SOCS5: variants seen among roughly 807,000 people sequenced by gnomAD.
SOCS5 encodes CIS-6.
A neutral mutation model predicts 42.8 loss-of-function variants in SOCS5; 32 were observed. The observed-to-expected ratio is 0.75, with a 90% CI of 0.56 to 1.01. The LOEUF (loss-of-function observed/expected upper bound fraction) is 1.01, where lower values mean the gene tolerates loss of function less well. Ranked by LOEUF, SOCS5 falls within the 50% of genes least tolerant of loss-of-function variation. The probability of loss-of-function intolerance (pLI) is 0.00; values close to 1 mark genes in which losing one functional copy is unlikely to be tolerated. For synonymous variants in SOCS5, 283 were observed against 229.6 expected (o/e 1.23, Z -2.10); for missense variants, 627 against 653.0 (o/e 0.96, Z 0.43).
chr2:46,709,753 A>G (rs1246218458), intron 1 of SOCS5, among the ~76,000 whole-genome samples: 2 of 152,214 alleles, frequency 1.3e-5, no homozygotes, highest in Non-Finnish European at 2.9e-5. Flanking sequence ...AGAAAATTGA[A>G]CATGAACAGA....
chr2:46,758,772 A>G lies in SOCS5; in HGVS notation c.242A>G (p.Asn81Ser), dbSNP rs747462309. The G allele has an allele frequency of 6.2e-7, 1 of 1,614,232 alleles. No homozygotes were observed. Among genetic ancestry groups the G allele is most frequent in the South Asian group, 1.1e-5 (1 of 91,084 alleles). The stretch of plus-strand genomic sequence containing the variant: ...AAGAATTCTTCAAGGAGAAATCAAA[A>G]TTGTGCCACAGAAATCCCTCAAATT... ...PSKNSSRRNQNCATEIPQIVE... is the reference protein window; with the variant it reads ...PSKNSSRRNQSCATEIPQIVE... The change falls in exon 2 of 2, where the codon AAT becomes AGT. Residue 81 changes from asparagine (N) to serine (S), a missense_variant. Asn to Ser is a conservative substitution (Grantham distance 46). Transcript: ENST00000394861.
At chr2:46,717,368 G>A (rs544114255) in intron 1 of SOCS5, among the ~76,000 whole-genome samples, 18 of 152,098 alleles carry the variant, frequency 1.2e-4, no homozygotes, top group East Asian at 9.7e-4. Context: ...CTCTTATCTC[G>A]TGTGAAAACT....
intron 1 of SOCS5, among the ~76,000 whole-genome samples, chr2:46,701,364 G>T (rs887107147): frequency 6.6e-6 from 1 of 152,180 alleles, no homozygotes; most frequent in Non-Finnish European, 1.5e-5. Context: ...AAAGATGTAT[G>T]TGTATGAGTC....
chr2:46,731,090 A>C (rs922320437), intron 1 of SOCS5, among the ~76,000 whole-genome samples: 2 of 152,140 alleles, frequency 1.3e-5, no homozygotes, highest in African/African-American at 4.8e-5. Flanking sequence ...GATACTCTTC[A>C]AGGAGTATCA....
intron 1 of SOCS5, among the ~76,000 whole-genome samples, chr2:46,729,536 C>T (rs1229406218): frequency 6.6e-6 from 1 of 152,144 alleles, no homozygotes; most frequent in Admixed American, 6.5e-5. Flanking sequence ...ACAGTTGTAT[C>T]ACAATGGTAA....
chr2:46,706,801 C>G (rs575743885), intron 1 of SOCS5, among the ~76,000 whole-genome samples: 1 of 151,970 alleles, frequency 6.6e-6, no homozygotes, highest in Non-Finnish European at 1.5e-5. Flanking sequence ...AGAGATCAGC[C>G]GGTGAAGAGG....
chr2:46,719,559 A>G (rs1399203871), intron 1 of SOCS5, among the ~76,000 whole-genome samples: 1 of 152,138 alleles, frequency 6.6e-6, no homozygotes, highest in East Asian at 1.9e-4. Context: ...TCCTTATGTT[A>G]AAGAAAGAAT....
chr2:46,755,480 T>A (rs1406836865), intron 1 of SOCS5, among the ~76,000 whole-genome samples: 1 of 152,208 alleles, frequency 6.6e-6, no homozygotes, highest in Non-Finnish European at 1.5e-5. Flanking sequence ...CAGTTAAATA[T>A]AATTTTTCAA....
At chr2:46,730,351 G>T (rs957219081) in intron 1 of SOCS5, among the ~76,000 whole-genome samples, 1 of 151,774 alleles carries the variant, frequency 6.6e-6, no homozygotes, top group Non-Finnish European at 1.5e-5. Context: ...CTGTAATCCC[G>T]GCACTTTGGG....
intron 1 of SOCS5, among the ~76,000 whole-genome samples, chr2:46,740,734 C>A (rs72882805): frequency 0.024 from 3,608 of 152,036 alleles, 165 homozygotes; most frequent in African/African-American, 0.083. Flanking sequence ...GGATCTGCCA[C>A]TGCCTACTGC....
At chr2:46,726,244 G>A (rs541154426) in intron 1 of SOCS5, among the ~76,000 whole-genome samples, 166 of 152,090 alleles carry the variant, frequency 1.1e-3, no homozygotes, top group Non-Finnish European at 1.2e-3. Flanking sequence ...TTACAGGCGT[G>A]CACCACCATG....
At chr2:46,706,910 A>G (rs191646764) in intron 1 of SOCS5, among the ~76,000 whole-genome samples, 1 of 152,352 alleles carries the variant, frequency 6.6e-6, no homozygotes, top group Admixed American at 6.5e-5. Context: ...AATATAAGAA[A>G]GTACCAACGG....
chr2:46,752,406 G>T (rs1673643268), intron 1 of SOCS5, among the ~76,000 whole-genome samples: 2 of 152,138 alleles, frequency 1.3e-5, no homozygotes, highest in South Asian at 4.1e-4. Context: ...TGCTGTTTTA[G>T]AAGTCTCTGA....
chr2:46,750,470 C>T (rs909504310), intron 1 of SOCS5, among the ~76,000 whole-genome samples: 1 of 151,764 alleles, frequency 6.6e-6, no homozygotes, highest in African/African-American at 2.4e-5. Context: ...CTTTTTTCTT[C>T]TTTTTAAAAA....
intron 1 of SOCS5, among the ~76,000 whole-genome samples, chr2:46,751,183 C>G (rs1040783188): frequency 2.6e-5 from 4 of 152,022 alleles, no homozygotes; most frequent in African/African-American, 9.7e-5. Flanking sequence ...ATGCTTATGT[C>G]AGAGCCTGGT....
rs1009453806 is a variant in SOCS5, at chr2:46,723,175, A to ATT, written c.-13+23734_-13+23735dup. Among the ~76,000 whole-genome samples, 3 of 151,618 alleles carry ATT rather than the reference A, an allele frequency of 2.0e-5. No individual in the cohort carries two copies. The South Asian group carries it at 6.3e-4, about 32-fold the overall frequency. ...TTAATTTGGTGAAGTCCAGTTCATAATTTTTTTTTCTTTTATGGGTGGTAC... is the reference window on the plus strand; with the variant it reads ...TTAATTTGGTGAAGTCCAGTTCATAATTTTTTTTTTTCTTTTATGGGTGGTAC... On this transcript the variant is annotated intron_variant, in intron 1 of 1. Transcript: ENST00000394861.
chr2:46,717,188 T>C (rs1672766672), intron 1 of SOCS5, among the ~76,000 whole-genome samples: 1 of 152,202 alleles, frequency 6.6e-6, no homozygotes. Context: ...CTGCAAATTC[T>C]AGCTGTCTCA....
intron 1 of SOCS5, among the ~76,000 whole-genome samples, chr2:46,713,775 A>G (rs1157546508): frequency 6.6e-6 from 1 of 152,176 alleles, no homozygotes; most frequent in Non-Finnish European, 1.5e-5. Context: ...TTAAAAAACA[A>G]TTATTAACAT....
At chr2:46,736,353 A>T (rs1264645714) in intron 1 of SOCS5, among the ~76,000 whole-genome samples, 1 of 152,082 alleles carries the variant, frequency 6.6e-6, no homozygotes, top group East Asian at 1.9e-4. Flanking sequence ...CATTTTAACC[A>T]TTTTTAAGTG....
Sources: gnomAD v4.1 joint callset for allele counts (sites outside exome capture counted in the v4.1 genomes callset) on GRCh38, gnomAD v4.1.1 for gene constraint, MANE v1.5 for transcripts, NCBI Gene and HGNC (gene_info 2026-07-23, HGNC 2026-07-21) for gene names.